SPON1: variants seen among roughly 807,000 people sequenced by gnomAD.
SPON1 encodes spondin 1, also known as spondin-1.
In SPON1, 52 loss-of-function variants were observed where a neutral mutation model predicts 111.7. The observed-to-expected ratio is 0.47, with a 90% CI of 0.37 to 0.59. The LOEUF (loss-of-function observed/expected upper bound fraction) is 0.59, where lower values mean the gene tolerates loss of function less well. Among genes scored for constraint, SPON1 ranks in the 20% least tolerant of loss-of-function variants. The pLI is 0.00. For synonymous variants in SPON1, 410 were observed against 395.8 expected (o/e 1.04, Z -0.43); for missense variants, 957 against 1,068.5 (o/e 0.90, Z 1.46).
intron 7 of SPON1, among the ~76,000 whole-genome samples, chr11:14,252,098 G>A (rs895825443): frequency 3.3e-5 from 5 of 152,204 alleles, no homozygotes; most frequent in Non-Finnish European, 5.9e-5. Context: ...AAGTGGAGGA[G>A]TTCAAGTCAT....
chr11:14,198,992 G>T (rs1417778574), intron 6 of SPON1, among the ~76,000 whole-genome samples: 10 of 152,118 alleles, frequency 6.6e-5, no homozygotes, highest in Non-Finnish European at 1.5e-4. Flanking sequence ...AGTTAGTTTT[G>T]TTCCTACCCT....
intron 5 of SPON1, among the ~76,000 whole-genome samples, chr11:14,091,854 C>T (rs1014186717): frequency 1.1e-4 from 17 of 151,526 alleles, no homozygotes; most frequent in African/African-American, 3.9e-4. Context: ...CGAGAGCAAG[C>T]GAGGGCTCTG....
intron 6 of SPON1, among the ~76,000 whole-genome samples, chr11:14,196,549 G>A (rs1257990823): frequency 3.9e-5 from 6 of 152,162 alleles, no homozygotes; most frequent in African/African-American, 1.2e-4. Context: ...AGAATAGAGG[G>A]AGGAAAACAG....
At chr11:13,989,838 C>T (rs1591342187) in intron 2 of SPON1, among the ~76,000 whole-genome samples, 1 of 152,268 alleles carries the variant, frequency 6.6e-6, no homozygotes, top group East Asian at 1.9e-4. Flanking sequence ...TGTTCAGTTT[C>T]CATGTAGTTG....
chr11:14,179,342 A>T (rs1848213794), intron 6 of SPON1, among the ~76,000 whole-genome samples: 1 of 152,172 alleles, frequency 6.6e-6, no homozygotes, highest in Non-Finnish European at 1.5e-5. Context: ...ATATGTATTT[A>T]TTTATTGTTC....
In SPON1 at chr11:14,106,734, G is replaced by A. The variant is rs139742151; in HGVS notation, c.676+26713G>A. 2.8e-3 allele frequency among the ~76,000 whole-genome samples: 422 copies of A among 152,326 alleles called. 1 individual carries two copies. Among genetic ancestry groups the A allele is most frequent in the African/African-American group, 9.2e-3 (383 of 41,566 alleles). ...GCCTTATTTTTAGTGAAAAGGATTA[G>A]TACTGGTAGCCCTGCAGTAAAGCTG... is the stretch of plus-strand genomic sequence containing the variant. On this transcript the variant is annotated intron_variant, in intron 5 of 15. Coordinates refer to ENST00000576479, the MANE Select transcript of SPON1 (RefSeq NM_006108.4).
At chr11:14,080,464 G>T (rs898972606) in intron 5 of SPON1, among the ~76,000 whole-genome samples, 54 of 152,216 alleles carry the variant, frequency 3.5e-4, no homozygotes, top group African/African-American at 1.3e-3. Flanking sequence ...CCTGACCTCA[G>T]GTGCTCCACC....
At chr11:14,084,340 T>G (rs1848988588) in intron 5 of SPON1, among the ~76,000 whole-genome samples, 1 of 152,164 alleles carries the variant, frequency 6.6e-6, no homozygotes, top group African/African-American at 2.4e-5. Context: ...GATGTTCCCC[T>G]CCCTGTGTCC....
intron 5 of SPON1, among the ~76,000 whole-genome samples, chr11:14,121,021 T>C (rs1849301014): frequency 6.6e-6 from 1 of 152,180 alleles, no homozygotes; most frequent in Non-Finnish European, 1.5e-5. Context: ...GACTGATGCA[T>C]ACAACAACAT....
At chr11:14,087,636 A>G (rs1480086571) in intron 5 of SPON1, among the ~76,000 whole-genome samples, 2 of 152,230 alleles carry the variant, frequency 1.3e-5, no homozygotes, top group South Asian at 4.1e-4. Context: ...TTTGGGGTAG[A>G]TAGTTCTGTA....
intron 2 of SPON1, among the ~76,000 whole-genome samples, chr11:14,037,303 A>G (rs1008524752): frequency 6.6e-6 from 1 of 152,170 alleles, no homozygotes; most frequent in African/African-American, 2.4e-5. Flanking sequence ...AATCCAGAGA[A>G]GAGTAAGGAG....
intron 2 of SPON1, among the ~76,000 whole-genome samples, chr11:14,037,691 A>T (rs1428660928): frequency 6.6e-6 from 1 of 152,222 alleles, no homozygotes; most frequent in Admixed American, 6.5e-5. Flanking sequence ...TTTTAAGTAC[A>T]ACACCAAAAG....
At chr11:14,262,489 A>T (rs531723925) in intron 14 of SPON1, 1 of 598,622 alleles carries the variant, frequency 1.7e-6, no homozygotes, top group South Asian at 2.0e-5. Context: ...GAGGGAGCAT[A>T]GAATGGGTGA....
At chr11:14,041,037 A>T (rs1210549103) in intron 2 of SPON1, among the ~76,000 whole-genome samples, 4 of 152,228 alleles carry the variant, frequency 2.6e-5, no homozygotes, top group Non-Finnish European at 4.4e-5. Context: ...TTAAGGAAGT[A>T]GGAACTGCGC....
At chr11:14,247,757 A>G (rs531291769) in intron 7 of SPON1, among the ~76,000 whole-genome samples, 1 of 152,374 alleles carries the variant, frequency 6.6e-6, no homozygotes, top group African/African-American at 2.4e-5. Flanking sequence ...TGAAAACGTT[A>G]GATGAAGTTC....
chr11:14,227,232 A>G (rs1848750587), intron 6 of SPON1, among the ~76,000 whole-genome samples: 1 of 152,120 alleles, frequency 6.6e-6, no homozygotes, highest in African/African-American at 2.4e-5. Flanking sequence ...GGCTGGTCTC[A>G]ATCTCCTGGC....
chr11:14,143,310 C>T (rs1222011865), intron 6 of SPON1, among the ~76,000 whole-genome samples: 2 of 152,218 alleles, frequency 1.3e-5, no homozygotes, highest in Non-Finnish European at 2.9e-5. Flanking sequence ...GCCTGTAATC[C>T]CAGTATTTTG....
chr11:14,261,011 C>T (rs1849165162), intron 14 of SPON1, among the ~76,000 whole-genome samples: 3 of 152,118 alleles, frequency 2.0e-5, no homozygotes, highest in Non-Finnish European at 2.9e-5. Context: ...ATACGAAAAA[C>T]AGCACAAAGC....
chr11:14,173,718 C>A (rs1332552930), intron 6 of SPON1, among the ~76,000 whole-genome samples: 1 of 152,250 alleles, frequency 6.6e-6, no homozygotes, highest in East Asian at 1.9e-4. Context: ...CAGTCAGGAC[C>A]CTCAGCTGCA....
Sources: gnomAD v4.1 joint callset for allele counts (sites outside exome capture counted in the v4.1 genomes callset) on GRCh38, gnomAD v4.1.1 for gene constraint, MANE v1.5 for transcripts, NCBI Gene and HGNC (gene_info 2026-07-23, HGNC 2026-07-21) for gene names.